The following FANCB variants were observed in gnomAD, a reference collection of about 807,000 sequenced individuals.
The protein encoded by FANCB is FA complementation group B.
In FANCB, 5 loss-of-function variants were observed where a neutral mutation model predicts 38.9. The observed-to-expected ratio is 0.13, with a 90% CI of 0.07 to 0.27. The LOEUF (loss-of-function observed/expected upper bound fraction) is 0.27. FANCB is among the 10% of genes least tolerant of loss of function. The probability of loss-of-function intolerance (pLI) is 1.00; values close to 1 mark genes in which losing one functional copy is unlikely to be tolerated. For missense variants in FANCB, 573 were observed against 602.7 expected (o/e 0.95, Z 0.52); for synonymous variants, 236 against 215.4 (o/e 1.10, Z -0.84).
At chrX:14,716,407 T>C in the FANCB span, among the ~76,000 whole-genome samples, 35 of 111,871 alleles carry the variant, frequency 3.1e-4, 1 homozygote, top group Non-Finnish European at 7.5e-5. Context: ...TCTGTTCCTC[T>C]GCAATATCCA....
At chrX:14,838,792 C>G (rs1322019850), downstream of FANCB, among the ~76,000 whole-genome samples, 1 of 112,131 alleles carries the variant, frequency 8.9e-6, no homozygotes, top group Non-Finnish European at 1.9e-5. Flanking sequence ...CATATGTTAT[C>G]ATTGGAAAGG....
the FANCB span, among the ~76,000 whole-genome samples, chrX:14,825,335 TTGTG>T: frequency 1.8e-5 from 2 of 112,031 alleles, no homozygotes; most frequent in Non-Finnish European, 3.8e-5. Context: ...GGGGCTTCAA[TTGTG>T]TGTATGTCTC....
chrX:14,857,004 C>T (rs1473056048), intron 5 of FANCB, among the ~76,000 whole-genome samples: 4 of 111,739 alleles, frequency 3.6e-5, no homozygotes, highest in Non-Finnish European at 7.5e-5. Flanking sequence ...AGGAGAATAT[C>T]CTTATTTTTA....
rs2092396737 is a variant in FANCB, at chrX:14,850,560, G to A, written c.1441C>T (p.Arg481Cys). The change falls in exon 7 of 10, where the codon CGT (arginine) becomes TGT (cysteine). Residue 481 changes from arginine to cysteine, a missense_variant. Transcript: ENST00000650831. ...SEQLVEKIWY[R>C]VIDDSLVVGV... Reference sequence around the variant, plus strand: ...ACAACCAAGCTATCATCTATTACACGATACCATATCTTCTCTACTAGCTGT... The same window carrying A: ...ACAACCAAGCTATCATCTATTACACAATACCATATCTTCTCTACTAGCTGT... The A allele has an allele frequency of 1.7e-6, 2 of 1,196,591 alleles. No homozygotes were observed. The highest frequency in any genetic ancestry group is 2.3e-6 in the Non-Finnish European group (2 of 883,663).
At chrX:14,804,225 G>T in the FANCB span, among the ~76,000 whole-genome samples, 1 of 111,862 alleles carries the variant, frequency 8.9e-6, no homozygotes, top group African/African-American at 3.3e-5. Context: ...CAAAGACTTG[G>T]AACCAAGCCA....
At chrX:14,741,949 G>A in the FANCB span, among the ~76,000 whole-genome samples, 1 of 111,495 alleles carries the variant, frequency 9.0e-6, no homozygotes, top group Non-Finnish European at 1.9e-5. Flanking sequence ...GTTTCTATTA[G>A]ATAAAATTCT....
the FANCB span, among the ~76,000 whole-genome samples, chrX:14,743,518 C>T: frequency 9.1e-6 from 1 of 110,431 alleles, no homozygotes; most frequent in Admixed American, 9.6e-5. Context: ...TTACCCTCCC[C>T]TCTTCATCAG....
chrX:14,734,388 T>C, the FANCB span, among the ~76,000 whole-genome samples: 2 of 112,338 alleles, frequency 1.8e-5, no homozygotes, highest in African/African-American at 6.5e-5. Flanking sequence ...ATTTAGTGCT[T>C]CCTTCAGGAG....
the FANCB span, among the ~76,000 whole-genome samples, chrX:14,768,738 C>T: frequency 0.019 from 2,090 of 110,896 alleles, 12 homozygotes; most frequent in South Asian, 0.05. Flanking sequence ...TGTTTTGTGC[C>T]GGTTCTCAAG....
At chrX:14,859,856 A>G (rs916047449) in intron 3 of FANCB, among the ~76,000 whole-genome samples, 1 of 111,632 alleles carries the variant, frequency 9.0e-6, no homozygotes, top group Non-Finnish European at 1.9e-5. Context: ...CAGTACTAGT[A>G]GACACCTTAA....
the FANCB span, among the ~76,000 whole-genome samples, chrX:14,819,097 C>T: frequency 8.9e-6 from 1 of 111,967 alleles, no homozygotes; most frequent in Non-Finnish European, 1.9e-5. Flanking sequence ...AGTTCAGTTC[C>T]CCAGCCCCCC....
the FANCB span, among the ~76,000 whole-genome samples, chrX:14,811,041 C>T: frequency 1.8e-5 from 2 of 111,247 alleles, no homozygotes; most frequent in Non-Finnish European, 3.8e-5. Context: ...AATTTTCAAC[C>T]CAGAATTTCA....
chrX:14,724,679 T>A, the FANCB span, among the ~76,000 whole-genome samples: 227 of 94,677 alleles, frequency 2.4e-3, 1 homozygote, highest in African/African-American at 7.8e-3. Context: ...AGTTGCTCAA[T>A]AAATAAATCC....
chrX:14,826,363 G>C, the FANCB span, among the ~76,000 whole-genome samples: 14 of 111,893 alleles, frequency 1.3e-4, no homozygotes, highest in Admixed American at 6.6e-4. Flanking sequence ...CCGTTATTAA[G>C]TTACTTTGGA....
chrX:14,842,715 A>T (rs1402705156), downstream of FANCB, among the ~76,000 whole-genome samples: 1 of 111,822 alleles, frequency 8.9e-6, no homozygotes, highest in African/African-American at 3.3e-5. Context: ...TTTAGTTAGA[A>T]TTTTAAATTT....
the FANCB span, among the ~76,000 whole-genome samples, chrX:14,785,317 T>A: frequency 6.3e-5 from 7 of 111,789 alleles, no homozygotes; most frequent in Non-Finnish European, 1.3e-4. Flanking sequence ...GGATTAGGAA[T>A]ATAATTAACA....
chrX:14,859,854 G>C (rs1230039002), intron 3 of FANCB, among the ~76,000 whole-genome samples: 4 of 111,593 alleles, frequency 3.6e-5, no homozygotes, highest in African/African-American at 1.3e-4. Flanking sequence ...GACAGTACTA[G>C]TAGACACCTT....
the FANCB span, among the ~76,000 whole-genome samples, chrX:14,749,619 C>A: frequency 8.9e-6 from 1 of 111,760 alleles, no homozygotes; most frequent in Non-Finnish European, 1.9e-5. Flanking sequence ...ACTGATTCCT[C>A]ATACCCAGGC....
the FANCB span, among the ~76,000 whole-genome samples, chrX:14,707,732 G>GTTT: frequency 9.8e-6 from 1 of 102,311 alleles, no homozygotes; most frequent in Non-Finnish European, 2.0e-5. Context: ...TGGAAAATAT[G>GTTT]TTTTCCTACT....
Sources: allele counts gnomAD v4.1 joint callset (sites outside exome capture counted in the v4.1 genomes callset), GRCh38; gene constraint gnomAD v4.1.1; transcripts MANE v1.5; gene names NCBI Gene and HGNC (gene_info 2026-07-23, HGNC 2026-07-21).